The following RIMBP2 variants were observed in gnomAD, a reference collection of about 807,000 sequenced individuals.
The protein encoded by RIMBP2 is RIMS binding protein 2.
A neutral mutation model predicts 118.6 loss-of-function variants in RIMBP2; 48 were observed. The observed-to-expected ratio is 0.40, with a 90% CI of 0.32 to 0.51. The LOEUF is 0.51. RIMBP2 is among the 20% of genes least tolerant of loss of function. RIMBP2 has a pLI of 0.41. For synonymous variants in RIMBP2, 762 were observed against 742.9 expected, an observed-to-expected ratio of 1.03 and a Z score of -0.42; for missense variants, 1,551 against 1,768.3, an observed-to-expected ratio of 0.88 and a Z score of 2.20.
intron 1 of RIMBP2, among the ~76,000 whole-genome samples, chr12:130,656,285 A>AGAG (rs1479297157): frequency 1.3e-5 from 2 of 152,118 alleles, no homozygotes; most frequent in African/African-American, 4.8e-5. Context: ...AAGGGAGGGA[A>AGAG]GAGGAGGACG....
chr12:130,595,552 AAAT>A (rs952922777), intron 2 of RIMBP2, among the ~76,000 whole-genome samples: 18 of 151,742 alleles, frequency 1.2e-4, no homozygotes, highest in African/African-American at 2.2e-4. Flanking sequence ...TCCGTCTCAA[AAAT>A]AATAATAATA....
chr12:130,435,734 G>A (rs937081145), intron 13 of RIMBP2, among the ~76,000 whole-genome samples: 6 of 152,214 alleles, frequency 3.9e-5, no homozygotes, highest in African/African-American at 7.2e-5. Context: ...GGCCAATGTC[G>A]AACGAATTAG....
At chr12:130,604,582 C>CTTTTTTTTTTTTTTTTTTT (rs777097560) in intron 2 of RIMBP2, among the ~76,000 whole-genome samples, 1 of 67,268 alleles carries the variant, frequency 1.5e-5, no homozygotes. Flanking sequence ...TGCCCCTTTT[C>CTTTTTTTTTTTTTTTTTTT]TTTCTTTTTT....
chr12:130,646,173 GCCTCTCCACCTCCCTCACCACTTC>G (rs2062915792), intron 1 of RIMBP2, among the ~76,000 whole-genome samples: 3 of 3,972 alleles, frequency 7.6e-4, no homozygotes, highest in Non-Finnish European at 9.7e-4. Flanking sequence ...CTCACCACCT[GCCTCTCCACCTCCCTCACCACTTC>G]CCTCTCCACC....
intron 4 of RIMBP2, among the ~76,000 whole-genome samples, chr12:130,497,132 T>G (rs765102048): frequency 2.6e-5 from 4 of 152,182 alleles, no homozygotes; most frequent in Non-Finnish European, 5.9e-5. Context: ...CTCTCCTTTC[T>G]TTCCAAAGCC....
In RIMBP2 at chr12:130,511,821, CG is replaced by C. The variant is rs1352489285; in HGVS notation, c.-126-5052del. On this transcript the variant is annotated intron_variant, in intron 3 of 22. Transcript: ENST00000690449. This position sits in a 1 kb window ranked among gnomAD's most constrained non-coding sequence, Gnocchi z 4.3. ...CTTCGAGATGGAATACCACCTGTCTCGGTGTCAAGGAAGCCACCCTCCACAC... is the reference window on the plus strand; with the variant it reads ...CTTCGAGATGGAATACCACCTGTCTCGTGTCAAGGAAGCCACCCTCCACAC... Among the ~76,000 whole-genome samples, 5 of 152,112 alleles carry C rather than the reference CG, an allele frequency of 3.3e-5. No individual in the cohort carries two copies. Among genetic ancestry groups the C allele is most frequent in the African/African-American group, 1.2e-4 (5 of 41,434 alleles).
At chr12:130,545,060 C>T (rs1287792729) in intron 2 of RIMBP2, among the ~76,000 whole-genome samples, 1 of 152,202 alleles carries the variant, frequency 6.6e-6, no homozygotes, top group Non-Finnish European at 1.5e-5. Flanking sequence ...ATACCAAAAT[C>T]TCACATTCAC....
chr12:130,612,600 C>T (rs1392824842), intron 2 of RIMBP2, among the ~76,000 whole-genome samples: 1 of 152,158 alleles, frequency 6.6e-6, no homozygotes, highest in Non-Finnish European at 1.5e-5. Flanking sequence ...AATTAAAACA[C>T]CATTTGACAG....
At chr12:130,584,998 C>T (rs112067914) in intron 2 of RIMBP2, among the ~76,000 whole-genome samples, 113 of 152,254 alleles carry the variant, frequency 7.4e-4, no homozygotes, top group African/African-American at 2.5e-3. Context: ...TCAAGCAATG[C>T]TCCTACCTCC....
chr12:130,439,181 A>G (rs1008506773), intron 11 of RIMBP2, among the ~76,000 whole-genome samples: 8 of 129,062 alleles, frequency 6.2e-5, no homozygotes, highest in East Asian at 2.2e-4. Flanking sequence ...GTATGGGTGT[A>G]TGTGTGTAAT....
chr12:130,674,795 A>T (rs1205148743), intron 1 of RIMBP2, among the ~76,000 whole-genome samples: 3 of 145,148 alleles, frequency 2.1e-5, no homozygotes, highest in African/African-American at 7.5e-5. Context: ...TGCACCCTCC[A>T]TCAGCATGCT....
intron 19 of RIMBP2, among the ~76,000 whole-genome samples, chr12:130,409,732 T>A (rs866897787): frequency 5.3e-5 from 8 of 152,190 alleles, no homozygotes; most frequent in African/African-American, 1.7e-4. Context: ...AGTGGCTCTG[T>A]TCCATTGCTG....
At chr12:130,599,033 G>A (rs1386968059) in intron 2 of RIMBP2, among the ~76,000 whole-genome samples, 2 of 152,172 alleles carry the variant, frequency 1.3e-5, no homozygotes, top group Non-Finnish European at 2.9e-5. Context: ...AAGATGCAAA[G>A]AGAATTTGAT....
intron 21 of RIMBP2, among the ~76,000 whole-genome samples, chr12:130,402,820 G>T (rs538321020): frequency 1.3e-5 from 2 of 152,320 alleles, no homozygotes; most frequent in African/African-American, 4.8e-5. Flanking sequence ...ACCTTAGTAC[G>T]CCACGTGATG....
Position 130,683,318 on chromosome 12 carries a change from A to AGGGGGAAG in RIMBP2, c.-352+32903_-352+32904insCTTCCCCC, listed in dbSNP as rs2064888309. On this transcript the variant is annotated intron_variant, in intron 1 of 22. Transcript: ENST00000690449. This position sits in a 1 kb window ranked among gnomAD's most constrained non-coding sequence, Gnocchi z 4.4. Reference sequence around the variant, plus strand: ...GGGAACGCAGGGAGCCAGGCTCCCCACAGAGCCTCCAGGGGGAAGGCAGCT... The same window carrying AGGGGGAAG: ...GGGAACGCAGGGAGCCAGGCTCCCCAGGGGGAAGCAGAGCCTCCAGGGGGAAGGCAGCT... 6.6e-6 allele frequency among the ~76,000 whole-genome samples: 1 copy of AGGGGGAAG among 152,244 alleles called. No individual in the cohort carries two copies. Among genetic ancestry groups the AGGGGGAAG allele is most frequent in the Admixed American group, 6.5e-5 (1 of 15,286 alleles).
In RIMBP2 at chr12:130,431,401, A is replaced by G. The variant is rs1477684168; in HGVS notation, c.2254-3064T>C. 2 of 390,202 alleles carry G rather than the reference A, an allele frequency of 5.1e-6. No homozygotes were observed. Among genetic ancestry groups the G allele is most frequent in the East Asian group, 7.7e-5 (1 of 13,016 alleles). 24.2% of individuals were successfully genotyped at this position (390,202 alleles called of 1,614,324 possible). Reference sequence around the variant, plus strand: ...GCAGTCTGTGCACCAGCTCAACTTCAGTCACTCCCTACCACTGTCATGATG... The same window carrying G: ...GCAGTCTGTGCACCAGCTCAACTTCGGTCACTCCCTACCACTGTCATGATG... On this transcript the variant is annotated intron_variant, in intron 14 of 22. Coordinates refer to ENST00000690449, the MANE Select transcript of RIMBP2 (RefSeq NM_001393629.1). This position sits in a 1 kb window ranked among gnomAD's most constrained non-coding sequence, Gnocchi z 4.0.
At chr12:130,618,770 T>TTTC (rs1485430689) in intron 2 of RIMBP2, among the ~76,000 whole-genome samples, 1 of 152,116 alleles carries the variant, frequency 6.6e-6, no homozygotes, top group East Asian at 1.9e-4. Context: ...TTCAACAACA[T>TTTC]AAAGCAATGT....
intron 1 of RIMBP2, among the ~76,000 whole-genome samples, chr12:130,715,239 C>A (rs1048492297): frequency 2.0e-5 from 3 of 152,232 alleles, no homozygotes; most frequent in Non-Finnish European, 4.4e-5. Context: ...CCTTCCCTCC[C>A]TCCTCACTCA....
At chr12:130,452,283 A>T (rs7316890) in intron 7 of RIMBP2, among the ~76,000 whole-genome samples, 10,573 of 152,168 alleles carry the variant, frequency 0.069, 527 homozygotes, top group Non-Finnish European at 0.1. Context: ...GATTTAAAAA[A>T]CCATGAGGAA....
Sources: gnomAD v4.1 joint callset for allele counts (sites outside exome capture counted in the v4.1 genomes callset) on GRCh38, gnomAD v4.1.1 for gene constraint, Gnocchi (gnomAD v3.1) non-coding constraint, MANE v1.5 for transcripts, NCBI Gene and HGNC (gene_info 2026-07-23, HGNC 2026-07-21) for gene names.